Variants in FGF13 observed in about 807,000 individuals in gnomAD.
The protein encoded by FGF13 is fibroblast growth factor homologous factor 2.
Under a neutral mutation model 19.5 loss-of-function variants are expected in FGF13, and 2 were observed. That is an observed-to-expected ratio of 0.10 (90% CI 0.04 to 0.32). The LOEUF (loss-of-function observed/expected upper bound fraction) is 0.32. Ranked by LOEUF, FGF13 falls within the 10% of genes least tolerant of loss-of-function variation. The probability of loss-of-function intolerance (pLI) is 1.00; values close to 1 mark genes in which losing one functional copy is unlikely to be tolerated. For synonymous variants in FGF13, 72 were observed against 76.9 expected, an observed-to-expected ratio of 0.94 and a Z score of 0.33; for missense variants, 113 against 192.7, an observed-to-expected ratio of 0.59 and a Z score of 2.45.
intron 1 of FGF13, among the ~76,000 whole-genome samples, chrX:139,128,765 T>C (rs1201230948): frequency 1.8e-5 from 2 of 112,059 alleles, no homozygotes; most frequent in African/African-American, 6.5e-5. Flanking sequence ...GTGCCTACTA[T>C]GTGTGAGGCA....
At chrX:139,198,773 G>GA (rs779358712) in intron 1 of FGF13, among the ~76,000 whole-genome samples, 4 of 110,890 alleles carry the variant, frequency 3.6e-5, no homozygotes, top group African/African-American at 9.9e-5. Flanking sequence ...TGCTTTAAAG[G>GA]AAAAAAATGG....
At chrX:138,700,230 A>G (rs1207092287) in intron 3 of FGF13, among the ~76,000 whole-genome samples, 2 of 109,951 alleles carry the variant, frequency 1.8e-5, no homozygotes, top group African/African-American at 6.6e-5. Flanking sequence ...GTCATCCCTC[A>G]CCAATTTTTT....
chrX:138,747,194 T>G (rs1020636406), intron 3 of FGF13, among the ~76,000 whole-genome samples: 1 of 111,495 alleles, frequency 9.0e-6, no homozygotes, highest in Non-Finnish European at 1.9e-5. Flanking sequence ...CCAGCCAAGA[T>G]AGGAGGCCAA....
intron 2 of FGF13, among the ~76,000 whole-genome samples, chrX:138,706,606 A>G (rs1243983147): frequency 8.9e-6 from 1 of 112,143 alleles, no homozygotes; most frequent in Non-Finnish European, 1.9e-5. Flanking sequence ...CATATTAGGG[A>G]AATATTATAT....
In FGF13 at chrX:138,664,485, A is replaced by T. The variant is rs761682094; in HGVS notation, c.403-28830T>A. Among the ~76,000 whole-genome samples the T allele has an allele frequency of 3.6e-5, 4 of 110,976 alleles. No homozygotes were observed. The South Asian group carries it at 1.5e-3, about 42-fold the overall frequency. On this transcript the variant is annotated intron_variant, in intron 3 of 4. Coordinates refer to ENST00000315930, the MANE Select transcript of FGF13 (RefSeq NM_004114.5). ...TTAGGAGATAAAATTCAGAAAAGCGATCAGCTGAAAAAGGGAAGTTGTTAC... is the reference window on the plus strand; with the variant it reads ...TTAGGAGATAAAATTCAGAAAAGCGTTCAGCTGAAAAAGGGAAGTTGTTAC...
At chrX:139,011,641 G>A (rs1056913445) in intron 1 of FGF13, among the ~76,000 whole-genome samples, 1 of 111,372 alleles carries the variant, frequency 9.0e-6, no homozygotes. Flanking sequence ...CCCAGCATCC[G>A]TTTATGATTA....
At chrX:138,943,949 G>A (rs769654124) in intron 1 of FGF13, among the ~76,000 whole-genome samples, 27 of 111,388 alleles carry the variant, frequency 2.4e-4, no homozygotes, top group African/African-American at 8.2e-4. Context: ...ATTCAGAACT[G>A]GGAACTGGAT....
At chrX:138,886,377 T>C (rs963186811) in intron 1 of FGF13, among the ~76,000 whole-genome samples, 3 of 112,554 alleles carry the variant, frequency 2.7e-5, no homozygotes, top group Non-Finnish European at 5.6e-5. Context: ...CAGTGTTTTA[T>C]GAACAAAGTC....
intron 1 of FGF13, among the ~76,000 whole-genome samples, chrX:139,156,472 T>C (rs1042402970): frequency 7.1e-5 from 8 of 112,345 alleles, no homozygotes; most frequent in Non-Finnish European, 1.5e-4. Flanking sequence ...GTAACCCTTA[T>C]ATTGCTAAGT....
At chrX:138,881,030 A>G (rs6654354) in intron 1 of FGF13, among the ~76,000 whole-genome samples, 362 of 111,960 alleles carry the variant, frequency 3.2e-3, no homozygotes, top group African/African-American at 0.011. Flanking sequence ...CTGACATCTT[A>G]ACATTATTAA....
rs143139066 is a variant in FGF13 at position 138,687,880 on chromosome X, T to C, written c.402+15104A>G. Among the ~76,000 whole-genome samples, 618 of 111,108 alleles carry C rather than the reference T, an allele frequency of 5.6e-3. 9 individuals carry two copies. Among genetic ancestry groups the C allele is most frequent in the African/African-American group, 0.019 (589 of 30,524 alleles). ...TGGATGGAACTGGAGGTCATTATGCTAAGTGAAATAAGCCAGACACAGGGA... is the reference window on the plus strand; with the variant it reads ...TGGATGGAACTGGAGGTCATTATGCCAAGTGAAATAAGCCAGACACAGGGA... On this transcript the variant is annotated intron_variant, in intron 3 of 4. Transcript: ENST00000315930.
chrX:138,851,865 CAA>C (rs1458728226), intron 3 of FGF13, among the ~76,000 whole-genome samples: 1 of 111,998 alleles, frequency 8.9e-6, no homozygotes, highest in Non-Finnish European at 1.9e-5. Flanking sequence ...GCAACTTCAG[CAA>C]AGTCTCAGGA....
chrX:138,710,453 G>A (rs1053996777), intron 1 of FGF13, among the ~76,000 whole-genome samples: 1 of 111,525 alleles, frequency 9.0e-6, no homozygotes, highest in Non-Finnish European at 1.9e-5. Context: ...CGGGAGGATG[G>A]TGTCTGCCCA....
chrX:138,774,886 T>C (rs965089231), intron 3 of FGF13, among the ~76,000 whole-genome samples: 7 of 112,631 alleles, frequency 6.2e-5, no homozygotes, highest in East Asian at 2.8e-4. Context: ...TTAAACTTAA[T>C]AGAATATGGA....
chrX:138,868,064 T>C (rs2091338478), intron 1 of FGF13, among the ~76,000 whole-genome samples: 1 of 111,680 alleles, frequency 9.0e-6, no homozygotes, highest in Admixed American at 9.6e-5. Flanking sequence ...TAATAGTATT[T>C]CTTTCAAAAT....
intron 1 of FGF13, among the ~76,000 whole-genome samples, chrX:139,176,110 G>C (rs1424183218): frequency 9.0e-6 from 1 of 111,496 alleles, no homozygotes. Context: ...GGAATCAGCT[G>C]CTTCTAGGTT....
chrX:139,078,851 G>A (rs1325637522), intron 1 of FGF13, among the ~76,000 whole-genome samples: 1 of 112,703 alleles, frequency 8.9e-6, no homozygotes, highest in Non-Finnish European at 1.9e-5. Context: ...GAACAAAATT[G>A]GTGAAAGAAT....
chrX:138,943,033 A>C lies in FGF13; in HGVS notation c.-112-78383T>G, dbSNP rs537147047. Among the ~76,000 whole-genome samples the C allele has an allele frequency of 1.1e-4, 12 of 112,242 alleles. No individual in the cohort carries two copies. In the South Asian group the frequency reaches 4.4e-3, roughly 41 times the overall value. ...ATATCAACTCCACTAAAATCCCCCCAAAAACCCACCTGTTGTCTCACATTG... is the reference window on the plus strand; with the variant it reads ...ATATCAACTCCACTAAAATCCCCCCCAAAACCCACCTGTTGTCTCACATTG... On this transcript the variant is annotated intron_variant, in intron 1 of 2. Transcript: ENST00000421460.
At position 138,711,096 on chromosome X, in the gene FGF13, G is replaced by C; in HGVS notation, c.-93C>G. On this transcript the variant is annotated 5_prime_UTR_variant, in exon 1 of 5. Transcript: ENST00000315930. Reference sequence around the variant, plus strand: ...CTCCGCTGCTTGTCCGCTGTCTCGCGACTTCGCCGCTTTGGTCTCCTTAGC... The same window carrying C: ...CTCCGCTGCTTGTCCGCTGTCTCGCCACTTCGCCGCTTTGGTCTCCTTAGC... 5 of 1,158,882 alleles carry C rather than the reference G, an allele frequency of 4.3e-6. No homozygotes were observed. Among genetic ancestry groups the C allele is most frequent in the Non-Finnish European group, 4.6e-6 (4 of 873,719 alleles).
Sources: allele counts gnomAD v4.1 joint callset (sites outside exome capture counted in the v4.1 genomes callset), GRCh38; gene constraint gnomAD v4.1.1; transcripts MANE v1.5; gene names NCBI Gene and HGNC (gene_info 2026-07-23, HGNC 2026-07-21).